VRK2: variants seen among roughly 807,000 people sequenced by gnomAD.
The protein encoded by VRK2 is VRK serine/threonine kinase 2, also known as serine/threonine-protein kinase VRK2.
Under a neutral mutation model 57.6 loss-of-function variants are expected in VRK2, and 60 were observed. The observed-to-expected ratio is 1.04, with a 90% CI of 0.85 to 1.29. The LOEUF (loss-of-function observed/expected upper bound fraction) is 1.29, where lower values mean the gene tolerates loss of function less well. Among genes scored for constraint, VRK2 ranks in the 50% most tolerant of loss-of-function variants. The pLI is 0.00. For synonymous variants in VRK2, 231 were observed against 199.2 expected, an observed-to-expected ratio of 1.16 and a Z score of -1.35; for missense variants, 705 against 588.1, an observed-to-expected ratio of 1.20 and a Z score of -2.06.
chr2:58,146,158 C>G (rs959796379), intron 11 of VRK2, among the ~76,000 whole-genome samples, 158 bp from the exon 12 acceptor site: 1 of 152,006 alleles, frequency 6.6e-6, no homozygotes, highest in Non-Finnish European at 1.5e-5. Flanking sequence ...TTGCCAACGA[C>G]TATAGTTTTT....
intron 1 of VRK2, among the ~76,000 whole-genome samples, chr2:57,915,786 A>G (rs1558490487): frequency 6.6e-6 from 1 of 152,226 alleles, no homozygotes; most frequent in African/African-American, 2.4e-5. Context: ...GGAACCAGGA[A>G]ACACAGCAAG....
chr2:58,026,091 C>T (rs1160431417), intron 2 of VRK2, among the ~76,000 whole-genome samples: 1 of 152,142 alleles, frequency 6.6e-6, no homozygotes, highest in Non-Finnish European at 1.5e-5. Flanking sequence ...CAAGTCTTCC[C>T]TCTTTCAATG....
At chr2:58,074,987 A>C (rs1669884738) in intron 2 of VRK2, among the ~76,000 whole-genome samples, 1 of 151,946 alleles carries the variant, frequency 6.6e-6, no homozygotes, top group South Asian at 2.1e-4. Context: ...TATACGGATA[A>C]TTTTGTCACC....
chr2:58,046,220 C>T (rs1166078865), upstream of VRK2, among the ~76,000 whole-genome samples: 3 of 152,178 alleles, frequency 2.0e-5, no homozygotes, highest in South Asian at 2.1e-4. Flanking sequence ...AACCAATAAC[C>T]TTATAATCTA....
At chr2:57,940,829 A>G (rs1339132703) in intron 1 of VRK2, among the ~76,000 whole-genome samples, 2 of 152,118 alleles carry the variant, frequency 1.3e-5, no homozygotes, top group Non-Finnish European at 2.9e-5. Flanking sequence ...TAGAAATATT[A>G]TGAAATAAAT....
chr2:58,054,433 C>G (rs960796446), intron 2 of VRK2, among the ~76,000 whole-genome samples: 1 of 150,460 alleles, frequency 6.6e-6, no homozygotes, highest in African/African-American at 2.4e-5. Flanking sequence ...GGGGAAATTT[C>G]TTCTTCCTGA....
intron 2 of VRK2, among the ~76,000 whole-genome samples, chr2:58,051,332 T>C (rs541397368): frequency 3.0e-4 from 46 of 151,252 alleles, no homozygotes; most frequent in South Asian, 8.3e-4. Context: ...GAAAAAAGGC[T>C]CCAGTACTTC....
intron 1 of VRK2, among the ~76,000 whole-genome samples, chr2:57,930,027 C>T (rs1343846347): frequency 3.3e-5 from 5 of 152,062 alleles, no homozygotes; most frequent in African/African-American, 1.2e-4. Context: ...CCACCTGGGG[C>T]TGGGGAAGAG....
At chr2:57,910,439 C>T (rs888709522) in intron 1 of VRK2, among the ~76,000 whole-genome samples, 1 of 152,190 alleles carries the variant, frequency 6.6e-6, no homozygotes, top group Non-Finnish European at 1.5e-5. Flanking sequence ...CCAGTCTCTT[C>T]ATGACCCCAA....
At chr2:58,091,560 T>G (rs1028749512) in intron 7 of VRK2, among the ~76,000 whole-genome samples, 1 of 151,892 alleles carries the variant, frequency 6.6e-6, no homozygotes, top group African/African-American at 2.4e-5. Context: ...CTATAAAAAA[T>G]TAGAAAAAAT....
At chr2:58,049,781 C>T (rs367800809) in intron 2 of VRK2, among the ~76,000 whole-genome samples, 4 of 152,134 alleles carry the variant, frequency 2.6e-5, no homozygotes, top group South Asian at 2.1e-4. Flanking sequence ...AAAATACCTC[C>T]GTTGAGGGAA....
At chr2:58,091,907 T>C (rs1334127907) in intron 7 of VRK2, among the ~76,000 whole-genome samples, 1 of 152,152 alleles carries the variant, frequency 6.6e-6, no homozygotes, top group African/African-American at 2.4e-5. Flanking sequence ...TCTGATAATA[T>C]TGAGGCTGAT....
At chr2:57,975,839 G>T (rs762433738) in intron 1 of VRK2, among the ~76,000 whole-genome samples, 4 of 151,804 alleles carry the variant, frequency 2.6e-5, no homozygotes, top group Non-Finnish European at 4.4e-5. Flanking sequence ...TGTCACTGGG[G>T]TTTGATATGC....
At chr2:58,077,724 C>T (rs973343995) in intron 2 of VRK2, among the ~76,000 whole-genome samples, 6 of 152,034 alleles carry the variant, frequency 3.9e-5, no homozygotes, top group Admixed American at 2.0e-4. Context: ...AGTGATTCTT[C>T]TTCCTATTGA....
intron 1 of VRK2, among the ~76,000 whole-genome samples, chr2:57,909,203 G>A (rs1007399710): frequency 2.0e-5 from 3 of 152,046 alleles, no homozygotes; most frequent in African/African-American, 4.8e-5. Context: ...TAACATAACT[G>A]AACTCATTTG....
chr2:57,925,135 C>A (rs1009929564), intron 1 of VRK2, among the ~76,000 whole-genome samples: 1 of 151,948 alleles, frequency 6.6e-6, no homozygotes, highest in Non-Finnish European at 1.5e-5. Flanking sequence ...ATTTTTCCAT[C>A]CATATTCATC....
chr2:58,032,422 C>G (rs1674144061), intron 2 of VRK2, among the ~76,000 whole-genome samples: 1 of 152,006 alleles, frequency 6.6e-6, no homozygotes, highest in Non-Finnish European at 1.5e-5. Context: ...TAGCATGTGT[C>G]CTTCCGTGGC....
chr2:57,987,043 AC>A (rs1213674323), intron 1 of VRK2, among the ~76,000 whole-genome samples: 11 of 152,334 alleles, frequency 7.2e-5, no homozygotes, highest in African/African-American at 2.2e-4. Context: ...CACACCATAT[AC>A]AAAAATTAAA....
intron 7 of VRK2, among the ~76,000 whole-genome samples, chr2:58,090,563 G>T (rs886216874): frequency 3.9e-5 from 6 of 152,104 alleles, no homozygotes; most frequent in African/African-American, 1.4e-4. Flanking sequence ...TGAGTATTTG[G>T]AGTAACAGGA....
Sources: gnomAD v4.1 joint callset for allele counts (sites outside exome capture counted in the v4.1 genomes callset) on GRCh38, gnomAD v4.1.1 for gene constraint, MANE v1.5 for transcripts, NCBI Gene and HGNC (gene_info 2026-07-23, HGNC 2026-07-21) for gene names.